NCAPG2: variants seen among roughly 807,000 people sequenced by gnomAD.
NCAPG2 encodes condensin-2 complex subunit G2.
Under a neutral mutation model 141.1 loss-of-function variants are expected in NCAPG2, and 53 were observed. The ratio of observed to expected loss-of-function variants is 0.38; its 90% confidence interval spans 0.30 to 0.47. NCAPG2 has a LOEUF of 0.47. NCAPG2 is among the 20% of genes least tolerant of loss of function. The pLI, the probability that NCAPG2 is intolerant of heterozygous loss-of-function variation, is 0.99. For synonymous variants in NCAPG2, 499 were observed against 490.7 expected (o/e 1.02, Z -0.22); for missense variants, 1,087 against 1,389.0 (o/e 0.78, Z 3.46).
Position 158,687,333 on chromosome 7 carries a change from A to T in NCAPG2, c.767+15T>A. The T allele has an allele frequency of 6.4e-7, 1 of 1,570,606 alleles. No individual in the cohort carries two copies. The highest frequency in any genetic ancestry group is 8.7e-7 in the Non-Finnish European group (1 of 1,149,724). On this transcript the variant is annotated intron_variant, in intron 7 of 27. Transcript: ENST00000356309. ...ATTAAGACAGCACAAAATCTTCAGT[A>T]CTTTTAACACTTACTTTTGTAATCC...
In NCAPG2 at chr7:158,633,916, A is replaced by AT. The variant is rs995681840; in HGVS notation, c.3381-2200dup. On this transcript the variant is annotated intron_variant, in intron 27 of 27. Coordinates refer to ENST00000356309, the MANE Select transcript of NCAPG2 (RefSeq NM_017760.7). The surrounding 1 kb of genome is among the most constrained non-coding windows in gnomAD (Gnocchi z 4.1). ...TGGTGCACACCACCACACCCAGCAG[A>AT]TTTTTTTGTATTTTTTGTAGAGATG... Among the ~76,000 whole-genome samples the AT allele has an allele frequency of 3.9e-5, 6 of 151,912 alleles. No individual in the cohort carries two copies. The highest frequency in any genetic ancestry group is 2.1e-4 in the South Asian group (1 of 4,800).
At position 158,633,108 on chromosome 7, in the gene NCAPG2, G is replaced by C. The variant is rs533197767; in HGVS notation, c.3381-1391C>G. On this transcript the variant is annotated intron_variant, in intron 27 of 27. Transcript: ENST00000356309. This position sits in a 1 kb window ranked among gnomAD's most constrained non-coding sequence, Gnocchi z 4.1. ...CCAGAATGTAGTGAAAGAAAAAAGG[G>C]AATCTGCATATATTTCTTTAAGCTC... 6.6e-6 allele frequency among the ~76,000 whole-genome samples: 1 copy of C among 152,154 alleles called. No homozygotes were observed. Among genetic ancestry groups the C allele is most frequent in the African/African-American group, 2.4e-5 (1 of 41,516 alleles).
At chr7:158,661,135 G>A (rs1299711786) in intron 16 of NCAPG2, among the ~76,000 whole-genome samples, 1 of 152,108 alleles carries the variant, frequency 6.6e-6, no homozygotes, top group East Asian at 1.9e-4. Context: ...TCACGTCAGA[G>A]GCAGACAGGC....
intron 18 of NCAPG2, 38 bp from the exon 19 acceptor site, chr7:158,656,471 A>G (rs200681047): frequency 1.9e-6 from 3 of 1,610,526 alleles, no homozygotes. Flanking sequence ...ATGAAAACAC[A>G]CGTCCCTAGA....
intron 9 of NCAPG2, among the ~76,000 whole-genome samples, chr7:158,682,883 C>A (rs932820390): frequency 6.6e-6 from 1 of 152,010 alleles, no homozygotes; most frequent in Non-Finnish European, 1.5e-5. Context: ...TCTGAGATTA[C>A]CTTTACAGAA....
At chr7:158,664,901 C>T (rs1260273189) in intron 13 of NCAPG2, 151 bp from the exon 14 acceptor site, 2 of 647,066 alleles carry the variant, frequency 3.1e-6, no homozygotes, top group Non-Finnish European at 5.3e-6. Context: ...AAATCTGTGA[C>T]TTTCTGTAGA....
At chr7:158,683,712 G>A (rs1164083825) in intron 8 of NCAPG2, among the ~76,000 whole-genome samples, 2 of 152,228 alleles carry the variant, frequency 1.3e-5, no homozygotes, top group African/African-American at 4.8e-5. Context: ...TGCATGGTGA[G>A]TGTGGAGCCC....
chr7:158,656,832 T>C (rs1317215775), intron 17 of NCAPG2, 127 bp from the exon 18 acceptor site: 12 of 1,075,656 alleles, frequency 1.1e-5, no homozygotes, highest in Non-Finnish European at 1.6e-5. Flanking sequence ...ATATTAGCAC[T>C]TCCATGCTCT....
chr7:158,695,320 T>C (rs1259270058), intron 2 of NCAPG2, among the ~76,000 whole-genome samples: 2 of 152,196 alleles, frequency 1.3e-5, no homozygotes, highest in African/African-American at 4.8e-5. Flanking sequence ...GTTCACAGTC[T>C]AGGGGCAAGA....
chr7:158,667,195 G>GA (rs1313867504), intron 13 of NCAPG2: 1 of 985,450 alleles, frequency 1.0e-6, no homozygotes. Context: ...GATAAGGACT[G>GA]AAACGCAAAC....
chr7:158,635,137 G>A (rs1830101341), intron 27 of NCAPG2, among the ~76,000 whole-genome samples: 1 of 152,138 alleles, frequency 6.6e-6, no homozygotes, highest in Non-Finnish European at 1.5e-5. Context: ...GACAGTGTCT[G>A]TATTTATTAA....
rs993587112 is a variant in NCAPG2 at position 158,633,757 on chromosome 7, A to T, written c.3381-2040T>A. 1.3e-5 allele frequency among the ~76,000 whole-genome samples: 2 copies of T among 148,956 alleles called. No individual in the cohort carries two copies. On this transcript the variant is annotated intron_variant, in intron 27 of 27. Coordinates refer to ENST00000356309, the MANE Select transcript of NCAPG2 (RefSeq NM_017760.7). This position sits in a 1 kb window ranked among gnomAD's most constrained non-coding sequence, Gnocchi z 4.1. ...ATGAACCCTCCAAAATCTAAAATTAATTTTTTTTTTTGAGACAGGGTCACG... is the reference window on the plus strand; with the variant it reads ...ATGAACCCTCCAAAATCTAAAATTATTTTTTTTTTTTGAGACAGGGTCACG...
At chr7:158,652,523 G>A (rs370596132) in intron 22 of NCAPG2, 43 bp from the exon 23 acceptor site, 9 of 1,422,200 alleles carry the variant, frequency 6.3e-6, no homozygotes, top group African/African-American at 2.9e-5. Flanking sequence ...AATCACACAA[G>A]TTTGTTGAAA....
intron 13 of NCAPG2, chr7:158,667,279 TCAGAGAC>T (rs1833053179): frequency 1.1e-6 from 1 of 947,936 alleles, no homozygotes; most frequent in Non-Finnish European, 1.3e-6. Flanking sequence ...TCCGCCTCCC[TCAGAGAC>T]CCTGTGTCCC....
intron 27 of NCAPG2, chr7:158,640,916 A>G (rs2129456591): frequency 6.6e-6 from 1 of 152,342 alleles, no homozygotes; most frequent in South Asian, 2.1e-4. Flanking sequence ...TACCTTAGCA[A>G]AATGAATGAC....
Position 158,631,476 on chromosome 7 carries a change from G to T in NCAPG2, c.*190C>A. ...TATATTAAATATATTATTTACGCAG[G>T]CACTAGGCAAAATTGAAGAAGTTTT... On this transcript the variant is annotated 3_prime_UTR_variant, in exon 28 of 28. Transcript: ENST00000356309. 1.6e-6 allele frequency: 1 copy of T among 629,028 alleles called. No individual in the cohort carries two copies. The allele number at this position is 629,028 out of a possible 1,614,324, so 39.0% of individuals were successfully genotyped here. A position where few individuals can be genotyped will look rare whatever the true frequency, so the allele number is the denominator to read the frequency against.
chr7:158,636,698 G>A (rs966294509), intron 27 of NCAPG2, among the ~76,000 whole-genome samples: 12 of 152,034 alleles, frequency 7.9e-5, no homozygotes, highest in East Asian at 1.9e-4. Context: ...CACTGTGCCC[G>A]GCCAACATTA....
Position 158,664,947 on chromosome 7 carries a change from ACT to A in NCAPG2, c.1480-199_1480-198del, listed in dbSNP as rs909372557. 33 of 559,426 alleles carry A rather than the reference ACT, an allele frequency of 5.9e-5. No homozygotes were observed. The African/African-American group carries it at 6.0e-4, about 10-fold the overall frequency. The allele number at this position is 559,426 out of a possible 1,614,324, so 34.7% of individuals were successfully genotyped here. A position where few individuals can be genotyped will look rare whatever the true frequency, so the allele number is the denominator to read the frequency against. The stretch of plus-strand genomic sequence containing the variant: ...TTAATAAATCTATATTTTTAAAAGT[ACT>A]GTTATATAAGGCACCCAAGTATTAG... On this transcript the variant is annotated intron_variant, in intron 13 of 27. Coordinates refer to ENST00000356309, the MANE Select transcript of NCAPG2 (RefSeq NM_017760.7).
At chr7:158,645,939 A>C (rs1218632939) in intron 25 of NCAPG2, among the ~76,000 whole-genome samples, 2 of 152,248 alleles carry the variant, frequency 1.3e-5, no homozygotes, top group Admixed American at 1.3e-4. Flanking sequence ...TGCTTTTAAA[A>C]GTTTTCATTG....
Sources: allele counts gnomAD v4.1 joint callset (sites outside exome capture counted in the v4.1 genomes callset), GRCh38; gene constraint gnomAD v4.1.1; non-coding constraint Gnocchi (gnomAD v3.1); transcripts MANE v1.5; gene names NCBI Gene and HGNC (gene_info 2026-07-23, HGNC 2026-07-21).